APBA2: variants seen among roughly 807,000 people sequenced by gnomAD.
The protein encoded by APBA2 is amyloid beta precursor protein binding family A member 2, also known as amyloid-beta A4 precursor protein-binding family A member 2.
Under a neutral mutation model 75.0 loss-of-function variants are expected in APBA2, and 30 were observed. The ratio of observed to expected loss-of-function variants is 0.40; its 90% CI spans 0.30 to 0.54. The LOEUF is 0.54. APBA2 is among the 20% of genes least tolerant of loss of function. The pLI, the probability that APBA2 is intolerant of heterozygous loss-of-function variation, is 0.49. For synonymous variants in APBA2, 444 were observed against 409.6 expected (o/e 1.08, Z -1.01); for missense variants, 801 against 1,016.1 (o/e 0.79, Z 2.88).
At chr15:29,112,720 G>A (rs921048311) in intron 13 of APBA2, among the ~76,000 whole-genome samples, 2 of 152,060 alleles carry the variant, frequency 1.3e-5, no homozygotes, top group Admixed American at 6.5e-5. Flanking sequence ...ACTTAAAATC[G>A]AGCATCATAG....
chr15:28,963,497 C>G (rs976628384), intron 2 of APBA2, among the ~76,000 whole-genome samples: 2 of 152,320 alleles, frequency 1.3e-5, no homozygotes, highest in Non-Finnish European at 2.9e-5. Flanking sequence ...CCAAGCCACA[C>G]AGCTAACAGG....
intron 1 of APBA2, among the ~76,000 whole-genome samples, chr15:28,908,714 C>G (rs2033271489): frequency 6.6e-6 from 1 of 152,120 alleles, no homozygotes; most frequent in African/African-American, 2.4e-5. Flanking sequence ...TGGTGAGATG[C>G]CTGACACCGC....
chr15:28,961,993 G>C (rs1054119038), intron 2 of APBA2, among the ~76,000 whole-genome samples: 4 of 152,174 alleles, frequency 2.6e-5, no homozygotes, highest in Admixed American at 1.3e-4. Context: ...GGTGGCATGT[G>C]ATTCTTCTAC....
rs398043111 is a variant in APBA2 at position 28,940,356 on chromosome 15, C to CAAAAAAAAAAAAA, written c.-95+18626_-95+18638dup. On this transcript the variant is annotated intron_variant, in intron 2 of 14. Coordinates refer to ENST00000683413, the MANE Select transcript of APBA2 (RefSeq NM_001353788.2). ...TGAAACCCCGTCTCTACTAAAAATACAAAAAAAAAAAAAAAAAAAAAAAAA... is the reference window on the plus strand; with the variant it reads ...TGAAACCCCGTCTCTACTAAAAATACAAAAAAAAAAAAAAAAAAAAAAAAAAAAAAAAAAAAAA... 1.7e-3 allele frequency among the ~76,000 whole-genome samples: 65 copies of CAAAAAAAAAAAAA among 38,436 alleles called. 1 individual carries two copies. The highest frequency in any genetic ancestry group is 2.4e-3 in the East Asian group (4 of 1,690). The allele number at this position is 38,436 out of a possible 152,430, so 25.2% of individuals were successfully genotyped here.
At position 29,045,069 on chromosome 15, in the gene APBA2, TTCTCTCTC is replaced by T. The variant is rs1555399868; in HGVS notation, c.-40-8749_-40-8742del. Among the ~76,000 whole-genome samples the T allele has an allele frequency of 1.4e-4, 12 of 82,888 alleles. No individual in the cohort carries two copies. In the South Asian group the frequency reaches 1.8e-3, roughly 13 times the overall value. 54.4% of individuals were successfully genotyped at this position (82,888 alleles called of 152,430 possible). On this transcript the variant is annotated intron_variant, in intron 3 of 14. Coordinates refer to ENST00000683413, the MANE Select transcript of APBA2 (RefSeq NM_001353788.2). Reference sequence around the variant, plus strand: ...CCTTCCTCTCTCCCTCCCTCCCTCCTTCTCTCTCTCTCTCTCTCTCTCTCTCTCTCTCT... The same window carrying T: ...CCTTCCTCTCTCCCTCCCTCCCTCCTTCTCTCTCTCTCTCTCTCTCTCTCT...
chr15:29,019,549 G>A (rs2039846121), intron 3 of APBA2, among the ~76,000 whole-genome samples: 1 of 150,782 alleles, frequency 6.6e-6, no homozygotes, highest in Non-Finnish European at 1.5e-5. Context: ...ATGTGTAGAT[G>A]TAGATGGCTG....
At chr15:29,000,675 T>G (rs1014390821) in intron 3 of APBA2, among the ~76,000 whole-genome samples, 1 of 152,146 alleles carries the variant, frequency 6.6e-6, no homozygotes, top group Non-Finnish European at 1.5e-5. Flanking sequence ...ACTGCAACCC[T>G]GACCTCCAGG....
chr15:29,036,831 G>A (rs191645344), intron 3 of APBA2, among the ~76,000 whole-genome samples: 1 of 152,208 alleles, frequency 6.6e-6, no homozygotes, highest in Non-Finnish European at 1.5e-5. Flanking sequence ...ACCAGCCCGG[G>A]CAACATGGTG....
chr15:28,955,965 A>C (rs1194994920), intron 2 of APBA2, among the ~76,000 whole-genome samples: 10 of 152,150 alleles, frequency 6.6e-5, no homozygotes, highest in African/African-American at 2.2e-4. Context: ...TGAGAAATGC[A>C]CAGTCTCAGG....
intron 9 of APBA2, among the ~76,000 whole-genome samples, 160 bp downstream of exon 9, chr15:29,098,736 G>A (rs2043974897): frequency 3.3e-5 from 5 of 152,214 alleles, no homozygotes; most frequent in Admixed American, 2.6e-4. Context: ...AGCAAGGAGC[G>A]CACAGCAGGT....
At chr15:28,930,486 G>A (rs1169363560) in intron 2 of APBA2, among the ~76,000 whole-genome samples, 4 of 152,192 alleles carry the variant, frequency 2.6e-5, no homozygotes, top group Non-Finnish European at 5.9e-5. Context: ...GGTCAGTCAT[G>A]AAAAGGAGTA....
At chr15:28,970,734 C>T (rs1379554302) in intron 2 of APBA2, among the ~76,000 whole-genome samples, 2 of 149,992 alleles carry the variant, frequency 1.3e-5, no homozygotes, top group East Asian at 3.9e-4. Flanking sequence ...AAAACAAGAA[C>T]ATTCTCATTT....
intron 3 of APBA2, among the ~76,000 whole-genome samples, chr15:29,038,926 C>T (rs2040882453): frequency 6.6e-6 from 1 of 152,010 alleles, no homozygotes; most frequent in Non-Finnish European, 1.5e-5. Flanking sequence ...CCCGCCTTGG[C>T]CTCCCAAAGT....
Position 29,078,303 on chromosome 15 carries a change from T to C in APBA2, c.1069+2212T>C, listed in dbSNP as rs561346735. 8.3e-5 allele frequency among the ~76,000 whole-genome samples: 12 copies of C among 144,782 alleles called. No homozygotes were observed. The South Asian group carries it at 1.5e-3, about 19-fold the overall frequency. 95.0% of individuals were successfully genotyped at this position (144,782 alleles called of 152,430 possible). On this transcript the variant is annotated intron_variant, in intron 6 of 14. Coordinates refer to ENST00000683413, the MANE Select transcript of APBA2 (RefSeq NM_001353788.2). ...GCGAAACTCCGTATCAAAAAAAATA[T>C]AAAAAAAATATTAAAAAGTCTAGAG... is the stretch of plus-strand genomic sequence containing the variant.
At chr15:29,053,755 GT>G in intron 3 of APBA2, 89 bp from the exon 4 acceptor site, 3 of 760,708 alleles carry the variant, frequency 3.9e-6, no homozygotes, top group Non-Finnish European at 6.4e-6. Context: ...GCGGGAGGAC[GT>G]GGTGGGAGGT....
chr15:28,984,838 T>TG (rs2037822178), intron 2 of APBA2, among the ~76,000 whole-genome samples: 1 of 137,242 alleles, frequency 7.3e-6, no homozygotes, highest in Admixed American at 7.1e-5. Context: ...CTCTGGAGGT[T>TG]GGGGGAGCTG....
Position 29,048,201 on chromosome 15 carries a change from G to A in APBA2, c.-40-5644G>A, listed in dbSNP as rs114312722. ...ATCTCTACAAAAAATACAAAAATTA[G>A]CCGGAGGGTGATGACACATGCCTGT... On this transcript the variant is annotated intron_variant, in intron 3 of 14. Transcript: ENST00000683413. Among the ~76,000 whole-genome samples the A allele has an allele frequency of 1.5e-3, 224 of 152,268 alleles. 1 individual carries two copies. Among genetic ancestry groups the A allele is most frequent in the African/African-American group, 5.2e-3 (216 of 41,554 alleles).
chr15:29,114,516 G>A (rs2044938404), intron 14 of APBA2, among the ~76,000 whole-genome samples: 2 of 152,304 alleles, frequency 1.3e-5, no homozygotes, highest in African/African-American at 4.8e-5. Context: ...TGGGAGGGGG[G>A]ATGGTGCTGG....
intron 2 of APBA2, among the ~76,000 whole-genome samples, chr15:28,984,004 C>G (rs1437283826): frequency 6.6e-6 from 1 of 152,178 alleles, no homozygotes; most frequent in East Asian, 1.9e-4. Flanking sequence ...TAATGAGTGT[C>G]CTCTCTGAAG....
Sources: allele counts gnomAD v4.1 joint callset (sites outside exome capture counted in the v4.1 genomes callset), GRCh38; gene constraint gnomAD v4.1.1; transcripts MANE v1.5; gene names NCBI Gene and HGNC (gene_info 2026-07-23, HGNC 2026-07-21).